The following LUZP2 variants were observed in gnomAD, a reference collection of about 807,000 sequenced individuals.
LUZP2 encodes the protein leucine zipper protein 2.
Under a neutral mutation model 51.6 loss-of-function variants are expected in LUZP2, and 52 were observed. The observed-to-expected ratio is 1.01, with a 90% CI of 0.81 to 1.27. The LOEUF (loss-of-function observed/expected upper bound fraction) is 1.27. LUZP2 is among the 50% of genes most tolerant of loss of function. The probability of loss-of-function intolerance (pLI) is 0.00; values close to 1 mark genes in which losing one functional copy is unlikely to be tolerated. For missense variants in LUZP2, 436 were observed against 395.4 expected (o/e 1.10, Z -0.87); for synonymous variants, 154 against 137.3 (o/e 1.12, Z -0.85).
chr11:24,748,842 A>G (rs1859476144), intron 4 of LUZP2, among the ~76,000 whole-genome samples: 2 of 152,188 alleles, frequency 1.3e-5, no homozygotes, highest in Non-Finnish European at 2.9e-5. Context: ...ACACATACGT[A>G]AGGGAATATT....
chr11:24,528,461 T>C (rs968032511), intron 1 of LUZP2, among the ~76,000 whole-genome samples: 2 of 151,432 alleles, frequency 1.3e-5, no homozygotes, highest in Non-Finnish European at 1.5e-5. Context: ...GGCACATACT[T>C]TTTAAAATGG....
intron 5 of LUZP2, among the ~76,000 whole-genome samples, chr11:24,791,651 T>G (rs1308942204): frequency 6.6e-6 from 1 of 152,100 alleles, no homozygotes; most frequent in Non-Finnish European, 1.5e-5. Flanking sequence ...TAAACTAAAT[T>G]TTTCATTGGC....
rs571167698 is a variant in LUZP2, at chr11:24,535,895, T to C, written c.62+38590T>C. Among the ~76,000 whole-genome samples, 17 of 151,832 alleles carry C rather than the reference T, an allele frequency of 1.1e-4. No homozygotes were observed. The South Asian group carries it at 1.7e-3, about 15-fold the overall frequency. On this transcript the variant is annotated intron_variant, in intron 1 of 11. Transcript: ENST00000336930. ...ATCACTGTCTATGGCAATTATAGTCTTATAAAATGTTTTTTTTAAATAATA... is the reference window on the plus strand; with the variant it reads ...ATCACTGTCTATGGCAATTATAGTCCTATAAAATGTTTTTTTTAAATAATA...
At chr11:24,721,055 C>A (rs2133950957) in intron 1 of LUZP2, among the ~76,000 whole-genome samples, 1 of 152,238 alleles carries the variant, frequency 6.6e-6, no homozygotes, top group Middle Eastern at 3.4e-3. Context: ...TGGCCAATAG[C>A]AGGAGAACAA....
intron 1 of LUZP2, among the ~76,000 whole-genome samples, chr11:24,602,033 T>A (rs1853684358): frequency 6.9e-6 from 1 of 144,580 alleles, no homozygotes; most frequent in African/African-American, 2.5e-5. Flanking sequence ...TGTGTATATA[T>A]GTATATCTGT....
intron 1 of LUZP2, among the ~76,000 whole-genome samples, chr11:24,503,219 TGAC>T (rs1850054440): frequency 7.6e-6 from 1 of 132,424 alleles, no homozygotes; most frequent in Non-Finnish European, 1.8e-5. Context: ...AATAACATTC[TGAC>T]TATTACATGA....
At chr11:24,717,409 GTTT>G (rs869281553) in intron 1 of LUZP2, among the ~76,000 whole-genome samples, 3 of 134,642 alleles carry the variant, frequency 2.2e-5, no homozygotes, top group Admixed American at 7.6e-5. Flanking sequence ...GAACCCAATA[GTTT>G]TTTTTTTTTT....
intron 1 of LUZP2, among the ~76,000 whole-genome samples, chr11:24,601,877 C>CATGTATATATGTATATATATGTATAT (rs1378639696): frequency 0.012 from 584 of 50,232 alleles, 28 homozygotes; most frequent in African/African-American, 0.029. Context: ...TATATGTATA[C>CATGTATATATGTATATATATGTATAT]ATGTATATAT....
intron 1 of LUZP2, among the ~76,000 whole-genome samples, chr11:24,680,110 G>C (rs1856685009): frequency 6.6e-6 from 1 of 152,082 alleles, no homozygotes; most frequent in African/African-American, 2.4e-5. Flanking sequence ...AAGGACAAAA[G>C]CTAAGGGAAA....
intron 1 of LUZP2, among the ~76,000 whole-genome samples, chr11:24,517,543 T>A (rs1590127340): frequency 6.7e-6 from 1 of 149,052 alleles, no homozygotes; most frequent in African/African-American, 2.5e-5. Flanking sequence ...TTTATGTAAG[T>A]TTTTTATATT....
At chr11:24,891,208 C>T in intron 5 of LUZP2, 2 of 984,934 alleles carry the variant, frequency 2.0e-6, no homozygotes, top group Non-Finnish European at 2.4e-6. Context: ...GAAGCATACC[C>T]TTGTCAACTT....
chr11:24,816,168 C>CCTGCAGTAAGCACACCCCACGTGGTAG (rs1564931683), intron 5 of LUZP2, among the ~76,000 whole-genome samples: 17 of 151,994 alleles, frequency 1.1e-4, no homozygotes, highest in African/African-American at 4.1e-4. Context: ...CCATGCCTGG[C>CCTGCAGTAAGCACACCCCACGTGGTAG]TTGCAGTAAG....
intron 10 of LUZP2, among the ~76,000 whole-genome samples, chr11:25,067,615 C>T (rs1285067757): frequency 6.6e-6 from 1 of 151,934 alleles, no homozygotes; most frequent in Non-Finnish European, 1.5e-5. Flanking sequence ...AAATCAAAGC[C>T]ACAGTGAGAT....
chr11:24,817,946 T>G (rs1361165973), intron 5 of LUZP2, among the ~76,000 whole-genome samples: 1 of 152,110 alleles, frequency 6.6e-6, no homozygotes, highest in African/African-American at 2.4e-5. Flanking sequence ...TTATTAGATT[T>G]TTATTGCTAC....
At chr11:24,725,181 A>T (rs1003156123) in intron 1 of LUZP2, among the ~76,000 whole-genome samples, 8 of 152,192 alleles carry the variant, frequency 5.3e-5, no homozygotes, top group African/African-American at 1.9e-4. Flanking sequence ...AATAGGGGGG[A>T]TGAATCCAAG....
At chr11:24,597,178 A>C (rs1295295234) in intron 1 of LUZP2, among the ~76,000 whole-genome samples, 1 of 152,202 alleles carries the variant, frequency 6.6e-6, no homozygotes, top group East Asian at 1.9e-4. Flanking sequence ...TAGGTATACT[A>C]TATGTATAAG....
intron 9 of LUZP2, among the ~76,000 whole-genome samples, chr11:25,041,367 ACTCT>A (rs1422146682): frequency 1.3e-5 from 2 of 151,566 alleles, no homozygotes; most frequent in Non-Finnish European, 2.9e-5. Flanking sequence ...TCTCTTTCTT[ACTCT>A]CTCTCTCTCA....
chr11:24,967,599 G>A (rs187117171), intron 7 of LUZP2, among the ~76,000 whole-genome samples: 1 of 151,604 alleles, frequency 6.6e-6, no homozygotes, highest in East Asian at 1.9e-4. Context: ...CTGTTCTTCA[G>A]AATGAATCAT....
intron 9 of LUZP2, among the ~76,000 whole-genome samples, chr11:24,998,132 G>A (rs11028328): frequency 0.39 from 59,078 of 151,912 alleles, 13,777 homozygotes; most frequent in East Asian, 0.68. Context: ...TGAACTTTAA[G>A]GTAGTTTTTT....
Sources: gnomAD v4.1 joint callset for allele counts (sites outside exome capture counted in the v4.1 genomes callset) on GRCh38, gnomAD v4.1.1 for gene constraint, MANE v1.5 for transcripts, NCBI Gene and HGNC (gene_info 2026-07-23, HGNC 2026-07-21) for gene names.